The following PTPRD variants were observed in gnomAD, a reference collection of about 807,000 sequenced individuals.
The protein encoded by PTPRD is protein tyrosine phosphatase receptor type D.
A neutral mutation model predicts 214.5 loss-of-function variants in PTPRD; 34 were observed. The observed-to-expected ratio is 0.16, with a 90% CI of 0.12 to 0.21. The LOEUF is 0.21. PTPRD is among the 10% of genes least tolerant of loss of function. The probability of loss-of-function intolerance (pLI) is 1.00; values close to 1 mark genes in which losing one functional copy is unlikely to be tolerated. For missense variants in PTPRD, 2,545 were observed against 2,398.7 expected (o/e 1.06, Z -1.27); for synonymous variants, 1,128 against 845.7 (o/e 1.33, Z -5.79).
chr9:8,441,643 G>C (rs996817898), intron 34 of PTPRD, among the ~76,000 whole-genome samples: 1 of 151,956 alleles, frequency 6.6e-6, no homozygotes, highest in African/African-American at 2.4e-5. Context: ...TATCCACAAG[G>C]CAATGGACTA....
chr9:10,457,834 G>C (rs2098929615), intron 2 of PTPRD, among the ~76,000 whole-genome samples: 1 of 151,884 alleles, frequency 6.6e-6, no homozygotes, highest in Non-Finnish European at 1.5e-5. Flanking sequence ...ACATAAAATT[G>C]ACATACCCAT....
At chr9:8,512,202 C>T (rs1215405244) in intron 21 of PTPRD, among the ~76,000 whole-genome samples, 2 of 151,878 alleles carry the variant, frequency 1.3e-5, no homozygotes, top group African/African-American at 4.8e-5. Context: ...AAACCGACAG[C>T]CAGAATTATA....
chr9:9,461,133 C>T (rs1401497869), intron 8 of PTPRD, among the ~76,000 whole-genome samples: 2 of 151,596 alleles, frequency 1.3e-5, no homozygotes, highest in African/African-American at 2.4e-5. Flanking sequence ...TATACATGAA[C>T]ATAAAGACAG....
chr9:10,514,123 G>T (rs2049190636), intron 2 of PTPRD, among the ~76,000 whole-genome samples: 1 of 152,136 alleles, frequency 6.6e-6, no homozygotes, highest in Admixed American at 6.6e-5. Flanking sequence ...GTGAGTAAAG[G>T]TCAGTTTATA....
At chr9:9,182,219 G>A (rs759544690) in intron 10 of PTPRD, among the ~76,000 whole-genome samples, 10 of 151,956 alleles carry the variant, frequency 6.6e-5, no homozygotes, top group African/African-American at 9.7e-5. Context: ...GACTTCAGTG[G>A]TACTGTGATT....
chr9:10,393,847 C>G (rs1009445201), intron 2 of PTPRD, among the ~76,000 whole-genome samples: 2 of 148,344 alleles, frequency 1.3e-5, no homozygotes, highest in Non-Finnish European at 3.0e-5. Flanking sequence ...GTAATGCCAC[C>G]TAACCATAGA....
rs181987753 is a variant in PTPRD, at chr9:10,218,809, T to C, written c.-545+122154A>G. ...TGTTGTTACTATGTTGCTTGAATTG[T>C]TCATAATTGTCATATATTTATTATA... On this transcript the variant is annotated intron_variant, in intron 3 of 45. Coordinates refer to ENST00000381196, the MANE Select transcript of PTPRD (RefSeq NM_002839.4). Among the ~76,000 whole-genome samples, 190 of 151,978 alleles carry C rather than the reference T, an allele frequency of 1.3e-3. 1 individual carries two copies. The highest frequency in any genetic ancestry group is 8.0e-4 in the Non-Finnish European group (54 of 67,848).
At chr9:9,223,750 G>T (rs1406726256) in intron 9 of PTPRD, among the ~76,000 whole-genome samples, 1 of 151,894 alleles carries the variant, frequency 6.6e-6, no homozygotes, top group African/African-American at 2.4e-5. Context: ...CAAATCAAAT[G>T]CACGTGGTTT....
intron 9 of PTPRD, among the ~76,000 whole-genome samples, chr9:9,384,268 G>A (rs1389557725): frequency 1.5e-5 from 2 of 131,786 alleles, no homozygotes; most frequent in African/African-American, 5.6e-5. Context: ...GTTGTGTATT[G>A]TAAAATTTTG....
At chr9:10,387,408 G>T (rs2097938191) in intron 2 of PTPRD, among the ~76,000 whole-genome samples, 2 of 151,866 alleles carry the variant, frequency 1.3e-5, no homozygotes, top group Non-Finnish European at 2.9e-5. Context: ...GGGGAAATGT[G>T]TAAGTGAGGA....
chr9:9,139,180 C>T (rs2099856066), intron 10 of PTPRD, among the ~76,000 whole-genome samples: 1 of 151,244 alleles, frequency 6.6e-6, no homozygotes, highest in Admixed American at 6.6e-5. Context: ...AATTCTGAAC[C>T]CTATATTTAC....
intron 10 of PTPRD, among the ~76,000 whole-genome samples, chr9:9,042,058 A>C (rs2099641578): frequency 6.6e-6 from 1 of 152,178 alleles, no homozygotes; most frequent in Non-Finnish European, 1.5e-5. Context: ...TAACTGAACT[A>C]TGCATGGTCT....
At chr9:8,616,136 C>T (rs1210453486) in intron 14 of PTPRD, among the ~76,000 whole-genome samples, 2 of 152,138 alleles carry the variant, frequency 1.3e-5, no homozygotes, top group African/African-American at 4.8e-5. Flanking sequence ...ACATAATTCA[C>T]TCTACCACCA....
rs1184720698 is a variant in PTPRD, at chr9:9,727,676, T to G, written c.-287+6857A>C. 4.6e-5 allele frequency among the ~76,000 whole-genome samples: 7 copies of G among 152,270 alleles called. No homozygotes were observed. The East Asian group carries it at 1.4e-3, about 29-fold the overall frequency. On this transcript the variant is annotated intron_variant, in intron 7 of 45. Coordinates refer to ENST00000381196, the MANE Select transcript of PTPRD (RefSeq NM_002839.4). The stretch of plus-strand genomic sequence containing the variant: ...TTATGAATATAATGTAATTTTTGCT[T>G]AATGCCAAAGAAACATGTTTAAACA...
chr9:8,562,428 ATTTATTTTAT>A (rs200092347), intron 14 of PTPRD, among the ~76,000 whole-genome samples: 5 of 149,460 alleles, frequency 3.3e-5, no homozygotes, highest in Non-Finnish European at 7.4e-5. Flanking sequence ...TTATTTATTT[ATTTATTTTAT>A]TTTATTTTAT....
chr9:8,629,664 A>C (rs536858107), intron 14 of PTPRD, among the ~76,000 whole-genome samples: 1 of 151,912 alleles, frequency 6.6e-6, no homozygotes, highest in African/African-American at 2.4e-5. Flanking sequence ...AACACAAGTA[A>C]AACAGATATA....
intron 2 of PTPRD, among the ~76,000 whole-genome samples, chr9:10,465,180 AAAT>A (rs1257376867): frequency 6.6e-6 from 1 of 152,226 alleles, no homozygotes; most frequent in Admixed American, 6.5e-5. Context: ...ATACATAATC[AAAT>A]AATATTTATG....
At chr9:8,500,558 GAAAAAAAAAAAAAA>G (rs146807692) in intron 24 of PTPRD, among the ~76,000 whole-genome samples, 182 bp downstream of exon 24, 6 of 14,314 alleles carry the variant, frequency 4.2e-4, no homozygotes, top group South Asian at 4.2e-3. Context: ...TGAAAAAAAT[GAAAAAAAAAAAAAA>G]AAAAAAAAAA....
At chr9:8,494,688 A>C (rs2097221879) in intron 26 of PTPRD, among the ~76,000 whole-genome samples, 2 of 152,194 alleles carry the variant, frequency 1.3e-5, no homozygotes, top group African/African-American at 4.8e-5. Flanking sequence ...ATTGGAGTTA[A>C]CCACACATAT....
Sources: allele counts gnomAD v4.1 joint callset (sites outside exome capture counted in the v4.1 genomes callset), GRCh38; gene constraint gnomAD v4.1.1; transcripts MANE v1.5; gene names NCBI Gene and HGNC (gene_info 2026-07-23, HGNC 2026-07-21).